CCSER1: variants seen among roughly 807,000 people sequenced by gnomAD.
CCSER1 encodes coiled-coil serine rich protein 1, also known as serine-rich coiled-coil domain-containing protein 1.
CCSER1 carries 41 observed loss-of-function variants against 82.0 expected under a neutral mutation model. The ratio of observed to expected loss-of-function variants is 0.50; its 90% CI spans 0.39 to 0.65. CCSER1 has a LOEUF of 0.65. Among genes scored for constraint, CCSER1 ranks in the 30% least tolerant of loss-of-function variants. CCSER1 has a pLI of 0.00. For missense variants in CCSER1, 1,119 were observed against 1,064.2 expected (o/e 1.05, Z -0.72); for synonymous variants, 414 against 383.9 (o/e 1.08, Z -0.92).
chr4:91,531,457 A>T (rs1761026006), intron 10 of CCSER1, among the ~76,000 whole-genome samples: 1 of 152,228 alleles, frequency 6.6e-6, no homozygotes, highest in Non-Finnish European at 1.5e-5. Flanking sequence ...AGAAACAAAG[A>T]TAATAATGTA....
intron 1 of CCSER1, among the ~76,000 whole-genome samples, chr4:90,210,531 C>T (rs1739782027): frequency 6.6e-6 from 1 of 151,026 alleles, no homozygotes; most frequent in Admixed American, 6.6e-5. Context: ...ACAGCCTCAA[C>T]CTCTGGGGCT....
At chr4:91,407,440 C>T (rs1373331307) in intron 10 of CCSER1, among the ~76,000 whole-genome samples, 1 of 152,108 alleles carries the variant, frequency 6.6e-6, no homozygotes, top group Admixed American at 6.6e-5. Flanking sequence ...GACTTACTGC[C>T]ACTTTTTATC....
At chr4:91,242,466 C>T (rs1052284554) in intron 10 of CCSER1, among the ~76,000 whole-genome samples, 2 of 152,138 alleles carry the variant, frequency 1.3e-5, no homozygotes, top group Admixed American at 6.5e-5. Flanking sequence ...GTGTTCTGCA[C>T]AGACCTTACA....
chr4:90,929,819 G>A (rs945789271), intron 9 of CCSER1, among the ~76,000 whole-genome samples: 1 of 152,166 alleles, frequency 6.6e-6, no homozygotes, highest in Non-Finnish European at 1.5e-5. Context: ...GTACAGCAGG[G>A]TGACTATAAT....
intron 8 of CCSER1, among the ~76,000 whole-genome samples, chr4:90,862,768 C>T (rs1765251797): frequency 6.6e-6 from 1 of 151,804 alleles, no homozygotes; most frequent in Non-Finnish European, 1.5e-5. Context: ...GCATATTATG[C>T]ACTCAATAGA....
intron 1 of CCSER1, among the ~76,000 whole-genome samples, chr4:90,273,175 A>G (rs1005177834): frequency 6.6e-6 from 1 of 152,108 alleles, no homozygotes; most frequent in Non-Finnish European, 1.5e-5. Context: ...GTTTGTACTC[A>G]TGGAGATACA....
intron 1 of CCSER1, among the ~76,000 whole-genome samples, chr4:90,148,677 C>A (rs1262892008): frequency 6.6e-6 from 1 of 152,096 alleles, no homozygotes. Context: ...CCTCACTGTA[C>A]AATTATTTTG....
intron 10 of CCSER1, among the ~76,000 whole-genome samples, chr4:91,148,474 T>C (rs1049596600): frequency 6.6e-6 from 1 of 151,882 alleles, no homozygotes; most frequent in African/African-American, 2.4e-5. Context: ...GACATTCTTA[T>C]TTATTTATTT....
At chr4:90,879,759 T>TA (rs1197233492) in intron 8 of CCSER1, among the ~76,000 whole-genome samples, 1 of 152,122 alleles carries the variant, frequency 6.6e-6, no homozygotes, top group Non-Finnish European at 1.5e-5. Flanking sequence ...TTGGAGGACA[T>TA]ATACCACTCT....
In CCSER1 at chr4:91,267,799, G is replaced by A. The variant is rs1741718042; in HGVS notation, c.2217+181805G>A. Among the ~76,000 whole-genome samples the A allele has an allele frequency of 2.6e-5, 4 of 152,286 alleles. No individual in the cohort carries two copies. The South Asian group carries it at 8.3e-4, about 32-fold the overall frequency. The stretch of plus-strand genomic sequence containing the variant: ...ACTGATTGCCTTTGGCTGTGCCTTG[G>A]GAAATCCCCAGGAAACACAGTAAGT... On this transcript the variant is annotated intron_variant, in intron 10 of 10. Transcript: ENST00000509176.
At chr4:91,591,640 A>T (rs1397694273) in intron 10 of CCSER1, among the ~76,000 whole-genome samples, 1 of 152,162 alleles carries the variant, frequency 6.6e-6, no homozygotes, top group East Asian at 1.9e-4. Flanking sequence ...AGATAATATT[A>T]TGACCACTGT....
At chr4:90,489,958 T>C (rs1003334499) in intron 5 of CCSER1, among the ~76,000 whole-genome samples, 20 of 152,196 alleles carry the variant, frequency 1.3e-4, no homozygotes, top group African/African-American at 4.8e-4. Context: ...TCTTTGCTAT[T>C]TTGAATAGTG....
At chr4:91,175,587 T>G (rs1350380434) in intron 10 of CCSER1, among the ~76,000 whole-genome samples, 4 of 152,340 alleles carry the variant, frequency 2.6e-5, no homozygotes, top group Admixed American at 6.5e-5. Context: ...TGATGAGCAT[T>G]TTTTCATGTG....
At chr4:91,550,744 G>A (rs1365065912) in intron 10 of CCSER1, among the ~76,000 whole-genome samples, 1 of 151,958 alleles carries the variant, frequency 6.6e-6, no homozygotes, top group Non-Finnish European at 1.5e-5. Context: ...AATGCACAGG[G>A]GATGAAAGAA....
chr4:90,720,910 C>G lies in CCSER1; in HGVS notation c.1933-3004C>G, dbSNP rs545983435. ...TTCAATTTCTCTGCTTTTTTAGTGA[C>G]AGAATATTGAGTGAGGAATGAAATC... On this transcript the variant is annotated intron_variant, in intron 6 of 10. Coordinates refer to ENST00000509176, the MANE Select transcript of CCSER1 (RefSeq NM_001145065.2). 2.0e-5 allele frequency among the ~76,000 whole-genome samples: 3 copies of G among 151,790 alleles called. No homozygotes were observed. The East Asian group carries it at 5.8e-4, about 29-fold the overall frequency.
intron 6 of CCSER1, among the ~76,000 whole-genome samples, chr4:90,674,452 G>C (rs549134393): frequency 1.3e-5 from 2 of 152,064 alleles, no homozygotes; most frequent in East Asian, 1.9e-4. Context: ...ACAAAAAGCA[G>C]ATGGAGAAGT....
intron 9 of CCSER1, among the ~76,000 whole-genome samples, chr4:90,957,641 A>G (rs550619509): frequency 0.015 from 1,947 of 128,792 alleles, 24 homozygotes; most frequent in Non-Finnish European, 0.022. Flanking sequence ...TATATAATAT[A>G]TAATATATAA....
chr4:90,532,170 A>C (rs1388630880), intron 5 of CCSER1, among the ~76,000 whole-genome samples: 2 of 152,156 alleles, frequency 1.3e-5, no homozygotes, highest in East Asian at 3.9e-4. Context: ...TACTCCAGCT[A>C]TTGCCCCATC....
intron 10 of CCSER1, among the ~76,000 whole-genome samples, chr4:91,464,440 A>C (rs2149435724): frequency 6.6e-6 from 1 of 152,340 alleles, no homozygotes; most frequent in East Asian, 1.9e-4. Context: ...AAGAAACTGC[A>C]TCAACTGACA....
Sources: gnomAD v4.1 joint callset for allele counts (sites outside exome capture counted in the v4.1 genomes callset) on GRCh38, gnomAD v4.1.1 for gene constraint, MANE v1.5 for transcripts, NCBI Gene and HGNC (gene_info 2026-07-23, HGNC 2026-07-21) for gene names.